The following ABCC9 variants were observed in gnomAD, a reference collection of about 807,000 sequenced individuals.
The protein encoded by ABCC9 is ATP binding cassette subfamily C member 9, also known as ATP-binding cassette sub-family C member 9.
ABCC9 carries 95 observed loss-of-function variants against 188.3 expected under a neutral mutation model. That is an observed-to-expected ratio of 0.50 (90% CI 0.43 to 0.60). ABCC9 has a LOEUF of 0.60. Among genes scored for constraint, ABCC9 ranks in the 20% least tolerant of loss-of-function variants. The pLI, the probability that ABCC9 is intolerant of heterozygous loss-of-function variation, is 0.00. For synonymous variants in ABCC9, 659 were observed against 652.7 expected (o/e 1.01, Z -0.15); for missense variants, 1,102 against 1,876.3 (o/e 0.59, Z 7.62).
chr12:21,803,088 C>T (rs569108059), intron 39 of ABCC9, among the ~76,000 whole-genome samples: 110 of 151,732 alleles, frequency 7.2e-4, no homozygotes, highest in African/African-American at 2.6e-3. Context: ...TTGCACCAAC[C>T]TAATACATTG....
chr12:21,867,706 G>A (rs1306810192), intron 18 of ABCC9, among the ~76,000 whole-genome samples: 1 of 151,096 alleles, frequency 6.6e-6, no homozygotes, highest in Non-Finnish European at 1.5e-5. Context: ...CCATTTGTCT[G>A]AAAATAATTG....
At chr12:21,887,800 T>C (rs1946955287) in intron 15 of ABCC9, 26 bp downstream of exon 15, 1 of 1,470,284 alleles carries the variant, frequency 6.8e-7, no homozygotes, top group African/African-American at 1.4e-5. Context: ...TATTCACAAC[T>C]TCCAAAACAA....
intron 16 of ABCC9, 107 bp downstream of exon 16, chr12:21,882,659 G>C: frequency 9.7e-7 from 1 of 1,029,578 alleles, no homozygotes. Context: ...AATGACAACT[G>C]TAAAAACAAT....
intron 12 of ABCC9, among the ~76,000 whole-genome samples, chr12:21,897,824 G>C (rs1454853203): frequency 6.7e-6 from 1 of 148,316 alleles, no homozygotes; most frequent in Non-Finnish European, 1.5e-5. Flanking sequence ...CTCTCCCCTA[G>C]GATGACCTCC....
chr12:21,909,534 G>A (rs186439756), intron 10 of ABCC9, among the ~76,000 whole-genome samples: 5 of 151,980 alleles, frequency 3.3e-5, no homozygotes, highest in Admixed American at 6.6e-5. Context: ...AGAAGAAAAC[G>A]TGTCTTTACT....
At chr12:21,924,614 C>G (rs1365099400) in intron 5 of ABCC9, 1 of 151,950 alleles carries the variant, frequency 6.6e-6, no homozygotes, top group African/African-American at 2.4e-5. Context: ...CAATAATAGG[C>G]CTCTTCTGAT....
At chr12:21,935,281 AC>A (rs781578073) in intron 3 of ABCC9, among the ~76,000 whole-genome samples, 4 of 152,162 alleles carry the variant, frequency 2.6e-5, no homozygotes, top group Non-Finnish European at 5.9e-5. Flanking sequence ...TTCATGGCCT[AC>A]AAATAATACT....
At chr12:21,869,242 C>A (rs1380587849) in intron 18 of ABCC9, among the ~76,000 whole-genome samples, 2 of 152,160 alleles carry the variant, frequency 1.3e-5, no homozygotes, top group East Asian at 3.9e-4. Flanking sequence ...AGAATTATCT[C>A]AATTTCCTTC....
At chr12:21,834,741 A>T in intron 30 of ABCC9, among the ~76,000 whole-genome samples, 1 of 151,192 alleles carries the variant, frequency 6.6e-6, no homozygotes, top group Non-Finnish European at 1.5e-5. Context: ...AGGGGCTGAA[A>T]ATGATATATA....
In ABCC9 at chr12:21,887,818, G is replaced by A; in HGVS notation, c.1911+8C>T. 1.3e-6 allele frequency: 2 copies of A among 1,588,166 alleles called. No homozygotes were observed. Among genetic ancestry groups the A allele is most frequent in the African/African-American group, 1.3e-5 (1 of 74,466 alleles). On this transcript the variant is annotated splice_region_variant and intron_variant, in intron 15 of 39. Coordinates refer to ENST00000261200, the MANE Select transcript of ABCC9 (RefSeq NM_020297.4). ...TCACAACTTCCAAAACAAAAATAAA[G>A]CACTTACAACTCCAGTGTGCTTCTT...
intron 3 of ABCC9, 36 bp downstream of exon 3, chr12:21,936,497 A>T: frequency 6.4e-7 from 1 of 1,566,484 alleles, no homozygotes; most frequent in Non-Finnish European, 8.8e-7. Flanking sequence ...ATATATAAAC[A>T]TCAAATGGTA....
chr12:21,899,672 C>A (rs1474438486), intron 12 of ABCC9, among the ~76,000 whole-genome samples: 1 of 152,204 alleles, frequency 6.6e-6, no homozygotes, highest in Admixed American at 6.5e-5. Context: ...TATCCCACGC[C>A]TGGCTCGGAG....
chr12:21,861,646 A>T (rs1187051315), intron 20 of ABCC9, among the ~76,000 whole-genome samples: 1 of 152,202 alleles, frequency 6.6e-6, no homozygotes, highest in African/African-American at 2.4e-5. Context: ...CACTCCTAGA[A>T]CACAAATGAA....
rs4148671 is a variant in ABCC9 at position 21,859,488 on chromosome 12, C to T, written c.2505+98G>A. On this transcript the variant is annotated intron_variant, in intron 22 of 39. Coordinates refer to ENST00000261200, the MANE Select transcript of ABCC9 (RefSeq NM_020297.4). ...ATACTTTACGATTTCACAAGTTAAA[C>T]CATCTTTCCTTGAGTTACTTGACTT... 4.4e-3 allele frequency: 5,346 copies of T among 1,203,324 alleles called. 142 individuals carry two copies. In the East Asian group the frequency reaches 0.062, roughly 14 times the overall value. 74.5% of individuals were successfully genotyped at this position (1,203,324 alleles called of 1,614,324 possible).
chr12:21,928,219 C>T (rs958573282), intron 4 of ABCC9, among the ~76,000 whole-genome samples: 1 of 106,376 alleles, frequency 9.4e-6, no homozygotes. Context: ...GACTCTGTCT[C>T]AAAAAAAGAA....
At chr12:21,826,897 G>T (rs1943410704) in intron 31 of ABCC9, among the ~76,000 whole-genome samples, 2 of 152,114 alleles carry the variant, frequency 1.3e-5, no homozygotes, top group Admixed American at 1.3e-4. Flanking sequence ...TTTTAAGGGA[G>T]AGTTCTAGTA....
At chr12:21,817,075 T>C in intron 33 of ABCC9, 112 bp downstream of exon 33, 1 of 1,227,504 alleles carries the variant, frequency 8.1e-7, no homozygotes, top group Non-Finnish European at 1.2e-6. Context: ...ATGAGAGAGT[T>C]TTCTGGATAC....
In ABCC9 at chr12:21,910,940, G is replaced by A. The variant is rs143373045; in HGVS notation, c.1050C>T (p.Asn350=). ...ETLSSKEFLE[N]AYVLAVLLFL... Reference sequence around the variant, plus strand: ...AGAGAAGAACTGCTAGAACGTAAGCGTTTTCAAGAAATTCCTTTGATGAGA... The same window carrying A: ...AGAGAAGAACTGCTAGAACGTAAGCATTTTCAAGAAATTCCTTTGATGAGA... Residue 350 remains asparagine (N), a synonymous_variant, in exon 9 of 40, where the codon AAC becomes AAT. Coordinates refer to ENST00000261200, the MANE Select transcript of ABCC9 (RefSeq NM_020297.4). 2.6e-5 allele frequency: 42 copies of A among 1,612,218 alleles called. No individual in the cohort carries two copies. Among genetic ancestry groups the A allele is most frequent in the East Asian group, 1.3e-4 (6 of 44,820 alleles).
intron 22 of ABCC9, among the ~76,000 whole-genome samples, chr12:21,853,222 G>A (rs1945058496): frequency 6.6e-6 from 1 of 152,102 alleles, no homozygotes; most frequent in Non-Finnish European, 1.5e-5. Flanking sequence ...GTTGAGACCG[G>A]AGAATCGCCT....
Sources: allele counts gnomAD v4.1 joint callset (sites outside exome capture counted in the v4.1 genomes callset), GRCh38; gene constraint gnomAD v4.1.1; transcripts MANE v1.5; gene names NCBI Gene and HGNC (gene_info 2026-07-23, HGNC 2026-07-21).